Variants in PRDM6 observed in about 807,000 individuals in gnomAD.
PRDM6 encodes the protein PR/SET domain 6.
In PRDM6, 25 loss-of-function variants were observed where a neutral mutation model predicts 60.8. The observed-to-expected ratio is 0.41, with a 90% confidence interval of 0.30 to 0.57. The LOEUF (loss-of-function observed/expected upper bound fraction) is 0.57. PRDM6 is among the 20% of genes least tolerant of loss of function. The pLI is 0.27. For missense variants in PRDM6, 839 were observed against 821.3 expected (o/e 1.02, Z -0.26); for synonymous variants, 407 against 357.4 (o/e 1.14, Z -1.57).
chr5:123,171,719 G>C (rs2126884749), intron 6 of PRDM6, among the ~76,000 whole-genome samples: 1 of 152,248 alleles, frequency 6.6e-6, no homozygotes, highest in African/African-American at 2.4e-5. Context: ...GTCAAAGTTG[G>C]TTTGAAAGTT....
At chr5:123,150,256 C>T (rs928563145) in intron 3 of PRDM6, among the ~76,000 whole-genome samples, 2 of 152,108 alleles carry the variant, frequency 1.3e-5, no homozygotes, top group Non-Finnish European at 2.9e-5. Context: ...ACCAAAATCA[C>T]GTCATCACAA....
intron 3 of PRDM6, among the ~76,000 whole-genome samples, chr5:123,116,932 ACT>A (rs1272292224): frequency 2.6e-5 from 4 of 152,156 alleles, no homozygotes; most frequent in African/African-American, 9.7e-5. Flanking sequence ...TTCCATAATA[ACT>A]CTGTCTCCCA....
intron 5 of PRDM6, among the ~76,000 whole-genome samples, chr5:123,167,700 C>G (rs954817581): frequency 6.6e-6 from 1 of 152,178 alleles, no homozygotes; most frequent in African/African-American, 2.4e-5. Context: ...AGTTAGGTTA[C>G]TTTCTAGGAG....
At chr5:123,142,903 C>CAAAAAAAAAAAAAA (rs1337695138) in intron 3 of PRDM6, among the ~76,000 whole-genome samples, 1 of 68,128 alleles carries the variant, frequency 1.5e-5, no homozygotes, top group African/African-American at 5.9e-5. Flanking sequence ...AAAAAAAAAA[C>CAAAAAAAAAAAAAA]AAACAAACCA....
At chr5:123,160,589 C>T (rs554881771) in intron 5 of PRDM6, among the ~76,000 whole-genome samples, 1 of 152,222 alleles carries the variant, frequency 6.6e-6, no homozygotes, top group African/African-American at 2.4e-5. Flanking sequence ...CATGCACTCA[C>T]ACAAAAACTG....
At chr5:123,139,666 C>A (rs1461013258) in intron 3 of PRDM6, among the ~76,000 whole-genome samples, 2 of 151,988 alleles carry the variant, frequency 1.3e-5, no homozygotes, top group Non-Finnish European at 2.9e-5. Flanking sequence ...TGTGCTGGAC[C>A]CTGGTGACTT....
intron 6 of PRDM6, 83 bp downstream of exon 6, chr5:123,171,191 A>C: frequency 9.0e-7 from 1 of 1,106,484 alleles, no homozygotes; most frequent in Non-Finnish European, 1.3e-6. Context: ...GAGCACCTCC[A>C]CAGGGGAAGC....
intron 6 of PRDM6, among the ~76,000 whole-genome samples, chr5:123,173,781 C>A (rs1230092728): frequency 6.6e-6 from 1 of 152,158 alleles, no homozygotes; most frequent in African/African-American, 2.4e-5. Flanking sequence ...CCCCTAATTT[C>A]ATTCTAGTTA....
intron 6 of PRDM6, among the ~76,000 whole-genome samples, chr5:123,172,680 A>T (rs1479484931): frequency 2.0e-5 from 3 of 152,240 alleles, no homozygotes; most frequent in African/African-American, 7.2e-5. Flanking sequence ...AGATGGTTGG[A>T]TCTATTATTT....
chr5:123,108,336 A>G (rs1764239873), intron 3 of PRDM6, among the ~76,000 whole-genome samples: 1 of 152,180 alleles, frequency 6.6e-6, no homozygotes, highest in Non-Finnish European at 1.5e-5. Flanking sequence ...TGTCTTGTAA[A>G]GCACCAAGAG....
intron 5 of PRDM6, among the ~76,000 whole-genome samples, chr5:123,164,962 A>G (rs1162167183): frequency 4.6e-5 from 7 of 152,042 alleles, no homozygotes; most frequent in Non-Finnish European, 8.8e-5. Flanking sequence ...AACCAGGACA[A>G]CCCTAAAGGA....
At chr5:123,184,258 G>A (rs996508515) in intron 7 of PRDM6, among the ~76,000 whole-genome samples, 14 of 152,054 alleles carry the variant, frequency 9.2e-5, no homozygotes, top group African/African-American at 2.2e-4. Flanking sequence ...TAAGCTCCTC[G>A]TACATATAAT....
chr5:123,182,105 C>T (rs866814624), intron 7 of PRDM6, among the ~76,000 whole-genome samples: 8 of 152,140 alleles, frequency 5.3e-5, no homozygotes, highest in East Asian at 3.9e-4. Flanking sequence ...CATGCTGTGC[C>T]GCCTGAGGCT....
At chr5:123,146,848 A>G (rs915889720) in intron 3 of PRDM6, among the ~76,000 whole-genome samples, 1 of 152,222 alleles carries the variant, frequency 6.6e-6, no homozygotes, top group Non-Finnish European at 1.5e-5. Context: ...ATCTCAGGAT[A>G]TGGATACAAA....
intron 3 of PRDM6, among the ~76,000 whole-genome samples, chr5:123,146,061 C>CA (rs573577271): frequency 1.0e-3 from 155 of 152,288 alleles, no homozygotes; most frequent in African/African-American, 3.5e-3. Flanking sequence ...GTTCCCTTTA[C>CA]AAACATTTCC....
At chr5:123,107,722 T>C (rs1764226646) in intron 3 of PRDM6, among the ~76,000 whole-genome samples, 1 of 152,242 alleles carries the variant, frequency 6.6e-6, no homozygotes, top group Non-Finnish European at 1.5e-5. Context: ...ACAATTTTTG[T>C]TCTGATTTTT....
chr5:123,171,260 T>G lies in PRDM6; in HGVS notation c.1496+152T>G, dbSNP rs543016251. On this transcript the variant is annotated intron_variant, in intron 6 of 7. Coordinates refer to ENST00000407847, the MANE Select transcript of PRDM6 (RefSeq NM_001136239.4). ...CAGAGAGAAATGCAAGACCACTGCT[T>G]GACTTTCTTGCATATAAGGGCTGCA... is the stretch of plus-strand genomic sequence containing the variant. Among the ~76,000 whole-genome samples, 28 of 152,312 alleles carry G rather than the reference T, an allele frequency of 1.8e-4. No individual in the cohort carries two copies. The South Asian group carries it at 5.0e-3, about 27-fold the overall frequency.
At chr5:123,108,678 T>TAAAAAGCA (rs1450525850) in intron 3 of PRDM6, among the ~76,000 whole-genome samples, 1 of 152,148 alleles carries the variant, frequency 6.6e-6, no homozygotes, top group Non-Finnish European at 1.5e-5. Context: ...AAATTAAGCT[T>TAAAAAGCA]AAAAAGCGGA....
At chr5:123,132,128 A>G (rs1355441442) in intron 3 of PRDM6, among the ~76,000 whole-genome samples, 1 of 152,132 alleles carries the variant, frequency 6.6e-6, no homozygotes, top group Non-Finnish European at 1.5e-5. Flanking sequence ...TGCCCTTTTC[A>G]TAACAGCTAT....
Sources: allele counts gnomAD v4.1 joint callset (sites outside exome capture counted in the v4.1 genomes callset), GRCh38; gene constraint gnomAD v4.1.1; transcripts MANE v1.5; gene names NCBI Gene and HGNC (gene_info 2026-07-23, HGNC 2026-07-21).